The following CLSTN2 variants were observed in gnomAD, a reference collection of about 807,000 sequenced individuals.
CLSTN2 encodes the protein calsyntenin-2.
In CLSTN2, 48 loss-of-function variants were observed where a neutral mutation model predicts 101.2. The observed-to-expected ratio is 0.47, with a 90% CI of 0.38 to 0.60. The LOEUF is 0.60. Among genes scored for constraint, CLSTN2 ranks in the 20% least tolerant of loss-of-function variants. The probability of loss-of-function intolerance (pLI) is 0.00; values close to 1 mark genes in which losing one functional copy is unlikely to be tolerated. For synonymous variants in CLSTN2, 481 were observed against 463.6 expected (o/e 1.04, Z -0.48); for missense variants, 1,160 against 1,238.2 (o/e 0.94, Z 0.95).
In CLSTN2 at chr3:140,280,305, G is replaced by A. The variant is rs114100813; in HGVS notation, c.232+104232G>A. Among the ~76,000 whole-genome samples, 424 of 152,176 alleles carry A rather than the reference G, an allele frequency of 2.8e-3. 1 individual carries two copies. The highest frequency in any genetic ancestry group is 9.4e-3 in the African/African-American group (390 of 41,514). The stretch of plus-strand genomic sequence containing the variant: ...AGTAGGATGCTGACTCTGTCATTTC[G>A]GATCCTGGGTCTTTTTTGTGCAGAA... On this transcript the variant is annotated intron_variant, in intron 2 of 16. Transcript: ENST00000458420.
intron 4 of CLSTN2, among the ~76,000 whole-genome samples, chr3:140,408,152 A>G (rs1246118045): frequency 3.3e-5 from 5 of 152,226 alleles, no homozygotes; most frequent in Admixed American, 6.5e-5. Context: ...TTCATCTTGC[A>G]TGCATCATCC....
intron 2 of CLSTN2, among the ~76,000 whole-genome samples, chr3:140,198,265 G>A (rs995316752): frequency 2.6e-5 from 4 of 152,104 alleles, no homozygotes; most frequent in African/African-American, 7.2e-5. Context: ...ATGTTGTGTT[G>A]GTGCCTTTGG....
chr3:140,240,296 A>ATG (rs2086454732), intron 2 of CLSTN2, among the ~76,000 whole-genome samples: 1 of 8,964 alleles, frequency 1.1e-4, no homozygotes, highest in South Asian at 0.042. Context: ...ATATACACAT[A>ATG]TATATATATA....
chr3:140,180,185 C>T (rs2010387094), intron 2 of CLSTN2, among the ~76,000 whole-genome samples: 1 of 152,244 alleles, frequency 6.6e-6, no homozygotes, highest in South Asian at 2.1e-4. Flanking sequence ...ATACCCTCCT[C>T]CCTGCCAGTT....
intron 1 of CLSTN2, among the ~76,000 whole-genome samples, chr3:139,951,768 A>C (rs922316304): frequency 7.2e-5 from 11 of 151,898 alleles, no homozygotes; most frequent in African/African-American, 2.7e-4. Context: ...CATGGTAGGG[A>C]GCAAAAATAA....
At position 140,225,120 on chromosome 3, in the gene CLSTN2, T is replaced by C. The variant is rs1425429517; in HGVS notation, c.232+49047T>C. Among the ~76,000 whole-genome samples, 17 of 152,282 alleles carry C rather than the reference T, an allele frequency of 1.1e-4. No homozygotes were observed. In the South Asian group the frequency reaches 3.3e-3, roughly 30 times the overall value. Reference sequence around the variant, plus strand: ...CCATCTGGGTCAGCAGCCTCCCAGCTCGGAGCATAGGCTCACACCAATCAC... The same window carrying C: ...CCATCTGGGTCAGCAGCCTCCCAGCCCGGAGCATAGGCTCACACCAATCAC... On this transcript the variant is annotated intron_variant, in intron 2 of 16. Transcript: ENST00000458420.
At chr3:140,133,456 A>G (rs182894308) in intron 1 of CLSTN2, among the ~76,000 whole-genome samples, 4 of 152,306 alleles carry the variant, frequency 2.6e-5, no homozygotes, top group Admixed American at 2.6e-4. Flanking sequence ...CTCCATGCTC[A>G]GGTTACTTGT....
At chr3:140,191,540 G>A (rs73226966) in intron 2 of CLSTN2, among the ~76,000 whole-genome samples, 5,958 of 151,942 alleles carry the variant, frequency 0.039, 169 homozygotes, top group Non-Finnish European at 0.062. Flanking sequence ...AGTGCTTTTA[G>A]GGGAGTTTTT....
intron 8 of CLSTN2, among the ~76,000 whole-genome samples, chr3:140,483,948 T>C (rs1934183548): frequency 6.6e-6 from 1 of 152,008 alleles, no homozygotes; most frequent in African/African-American, 2.4e-5. Context: ...AATTGGAGCA[T>C]TTAGCCCATT....
intron 2 of CLSTN2, among the ~76,000 whole-genome samples, chr3:140,360,475 A>G (rs2087718705): frequency 6.6e-6 from 1 of 152,254 alleles, no homozygotes; most frequent in Admixed American, 6.5e-5. Context: ...GGTCTCTCAA[A>G]GGAGTTGTCA....
chr3:140,524,030 G>C (rs946528855), intron 8 of CLSTN2, among the ~76,000 whole-genome samples: 1 of 152,188 alleles, frequency 6.6e-6, no homozygotes, highest in Non-Finnish European at 1.5e-5. Flanking sequence ...AGGAATGAGG[G>C]GAGAATAGAT....
chr3:140,160,514 T>A (rs2107819575), intron 1 of CLSTN2, among the ~76,000 whole-genome samples: 1 of 152,264 alleles, frequency 6.6e-6, no homozygotes. Context: ...CCTGAGACAT[T>A]CTCAATTTCA....
chr3:140,136,145 A>T (rs1055560389), intron 1 of CLSTN2, among the ~76,000 whole-genome samples: 6 of 152,158 alleles, frequency 3.9e-5, no homozygotes, highest in African/African-American at 1.4e-4. Flanking sequence ...TGCTCTAATA[A>T]TTGAAAATAT....
intron 8 of CLSTN2, among the ~76,000 whole-genome samples, chr3:140,517,691 G>T (rs375470542): frequency 6.6e-6 from 1 of 152,194 alleles, no homozygotes; most frequent in Admixed American, 6.5e-5. Flanking sequence ...TCTCTCGGCC[G>T]TGGACACCAG....
chr3:140,133,370 A>G (rs1426446525), intron 1 of CLSTN2, among the ~76,000 whole-genome samples: 1 of 152,242 alleles, frequency 6.6e-6, no homozygotes, highest in Non-Finnish European at 1.5e-5. Flanking sequence ...ATAAATATCC[A>G]AACCATATCA....
rs752040626 is a variant in CLSTN2, at chr3:140,466,738, T to C, written c.1344+7T>C. On this transcript the variant is annotated splice_region_variant and intron_variant, in intron 8 of 16. Transcript: ENST00000458420. The stretch of plus-strand genomic sequence containing the variant: ...CCACTGGAAGCTGGATCAGGTATGG[T>C]GCTCACCTCACACCTGCTGCTACTC... 3.1e-6 allele frequency: 5 copies of C among 1,613,798 alleles called. No individual in the cohort carries two copies. The South Asian group carries it at 5.5e-5, about 18-fold the overall frequency.
chr3:140,561,833 T>C (rs1453877311), intron 12 of CLSTN2, among the ~76,000 whole-genome samples: 1 of 152,194 alleles, frequency 6.6e-6, no homozygotes, highest in Non-Finnish European at 1.5e-5. Context: ...ATGAGGAAAC[T>C]GAGTGGTAGG....
chr3:139,952,364 A>G (rs936781269), intron 1 of CLSTN2, among the ~76,000 whole-genome samples: 2 of 152,210 alleles, frequency 1.3e-5, no homozygotes, highest in Non-Finnish European at 2.9e-5. Flanking sequence ...CTTGTGCAAT[A>G]AAAAGAAGAG....
At chr3:140,314,020 T>A (rs2087203255) in intron 2 of CLSTN2, among the ~76,000 whole-genome samples, 1 of 152,190 alleles carries the variant, frequency 6.6e-6, no homozygotes, top group Admixed American at 6.5e-5. Context: ...AATGATGTGC[T>A]TTGTGTGACT....
Sources: gnomAD v4.1 joint callset for allele counts (sites outside exome capture counted in the v4.1 genomes callset) on GRCh38, gnomAD v4.1.1 for gene constraint, MANE v1.5 for transcripts, NCBI Gene and HGNC (gene_info 2026-07-23, HGNC 2026-07-21) for gene names.